SNTG1: variants seen among roughly 807,000 people sequenced by gnomAD.
SNTG1 encodes syntrophin gamma 1, also known as gamma-1-syntrophin.
SNTG1 carries 39 observed loss-of-function variants against 74.7 expected under a neutral mutation model. That is an observed-to-expected ratio of 0.52 (90% CI 0.40 to 0.68). The LOEUF (loss-of-function observed/expected upper bound fraction) is 0.68. Ranked by LOEUF, SNTG1 falls within the 30% of genes least tolerant of loss-of-function variation. The pLI, the probability that SNTG1 is intolerant of heterozygous loss-of-function variation, is 0.00. For missense variants in SNTG1, 685 were observed against 609.5 expected, an observed-to-expected ratio of 1.12 and a Z score of -1.30; for synonymous variants, 254 against 217.1, an observed-to-expected ratio of 1.17 and a Z score of -1.49.
intron 2 of SNTG1, among the ~76,000 whole-genome samples, chr8:50,213,638 G>A (rs1290698806): frequency 1.3e-5 from 2 of 151,868 alleles, no homozygotes; most frequent in African/African-American, 4.8e-5. Context: ...GTGTGAGATG[G>A]TATCTCATTG....
intron 1 of SNTG1, among the ~76,000 whole-genome samples, chr8:50,142,021 T>G (rs1035222008): frequency 1.3e-5 from 2 of 152,158 alleles, no homozygotes; most frequent in African/African-American, 4.8e-5. Flanking sequence ...CAGCTCACAC[T>G]CTATTTTTCT....
At chr8:50,247,659 C>T (rs1193854815) in intron 2 of SNTG1, among the ~76,000 whole-genome samples, 2 of 148,690 alleles carry the variant, frequency 1.3e-5, no homozygotes, top group Non-Finnish European at 3.0e-5. Context: ...GTGCATTCCA[C>T]CAGTCCCAGC....
At chr8:50,001,207 T>G (rs1814707019) in intron 1 of SNTG1, among the ~76,000 whole-genome samples, 1 of 151,878 alleles carries the variant, frequency 6.6e-6, no homozygotes, top group Non-Finnish European at 1.5e-5. Context: ...GAAATGAGGG[T>G]TCGGTCTGTG....
At position 50,792,980 on chromosome 8, in the gene SNTG1, C is replaced by G. The variant is rs1212500155; in HGVS notation, c.*151C>G. The G allele has an allele frequency of 1.4e-6, 1 of 690,940 alleles. No individual in the cohort carries two copies. Among genetic ancestry groups the G allele is most frequent in the African/African-American group, 1.8e-5 (1 of 54,764 alleles). 42.8% of individuals were successfully genotyped at this position (690,940 alleles called of 1,614,324 possible). ...AGAAAAAGAAGGTCATGTGGAACCT[C>G]AAAAACACTTCTATTCTGGATGACA... On this transcript the variant is annotated 3_prime_UTR_variant, in exon 19 of 19. Transcript: ENST00000642720.
chr8:50,078,575 G>A (rs1822112800), intron 1 of SNTG1, among the ~76,000 whole-genome samples: 1 of 151,856 alleles, frequency 6.6e-6, no homozygotes, highest in African/African-American at 2.4e-5. Flanking sequence ...TTTAAGTTCT[G>A]GGATACACCT....
chr8:50,274,905 C>T (rs2088007167), intron 2 of SNTG1, among the ~76,000 whole-genome samples: 1 of 152,166 alleles, frequency 6.6e-6, no homozygotes, highest in African/African-American at 2.4e-5. Context: ...ATAAATTCCA[C>T]TCGGTAGTAC....
intron 15 of SNTG1, among the ~76,000 whole-genome samples, chr8:50,699,662 T>G (rs2095416928): frequency 6.6e-6 from 1 of 152,182 alleles, no homozygotes; most frequent in Non-Finnish European, 1.5e-5. Flanking sequence ...CTATTATTAT[T>G]ATCATTACTA....
At chr8:50,406,005 A>AAATTTTGAAATCAGCT (rs2092870621) in intron 4 of SNTG1, among the ~76,000 whole-genome samples, 1 of 152,130 alleles carries the variant, frequency 6.6e-6, no homozygotes, top group African/African-American at 2.4e-5. Flanking sequence ...GCTTTATAGC[A>AAATTTTGAAATCAGCT]AATTTTGAAA....
intron 2 of SNTG1, among the ~76,000 whole-genome samples, chr8:50,187,386 T>A (rs1041641382): frequency 6.6e-6 from 1 of 152,094 alleles, no homozygotes; most frequent in Non-Finnish European, 1.5e-5. Flanking sequence ...ATCTGGTCTT[T>A]GACAAACCTG....
intron 4 of SNTG1, among the ~76,000 whole-genome samples, chr8:50,406,510 T>G (rs1229803868): frequency 2.0e-5 from 3 of 152,160 alleles, no homozygotes; most frequent in Non-Finnish European, 2.9e-5. Context: ...TCCTTTCAAA[T>G]TTGGATGACT....
intron 2 of SNTG1, among the ~76,000 whole-genome samples, chr8:50,315,169 A>G (rs2090268358): frequency 6.7e-6 from 1 of 149,806 alleles, no homozygotes; most frequent in Admixed American, 6.8e-5. Flanking sequence ...GATAAGGGAT[A>G]GAGCTGCAGT....
intron 8 of SNTG1, among the ~76,000 whole-genome samples, chr8:50,465,660 G>GT (rs1415426495): frequency 1.3e-5 from 2 of 152,144 alleles, no homozygotes; most frequent in Non-Finnish European, 2.9e-5. Flanking sequence ...TGTTTCTGTA[G>GT]TTTTTCCTTT....
At chr8:49,924,519 C>G (rs1039185554) in intron 1 of SNTG1, among the ~76,000 whole-genome samples, 1 of 152,034 alleles carries the variant, frequency 6.6e-6, no homozygotes, top group Non-Finnish European at 1.5e-5. Context: ...TGAGCAGAGC[C>G]GGGCTAACAT....
At chr8:50,642,512 TCAAA>T (rs1307274195) in intron 13 of SNTG1, among the ~76,000 whole-genome samples, 3 of 152,100 alleles carry the variant, frequency 2.0e-5, no homozygotes, top group African/African-American at 7.2e-5. Flanking sequence ...ACTACTCTCT[TCAAA>T]CAATTTTTCA....
intron 8 of SNTG1, among the ~76,000 whole-genome samples, chr8:50,483,611 C>A (rs980336033): frequency 4.6e-5 from 7 of 152,058 alleles, no homozygotes; most frequent in Non-Finnish European, 2.9e-5. Flanking sequence ...TTCAGAATAG[C>A]ATGTTCAAAT....
chr8:50,599,962 T>C (rs1324268934), intron 13 of SNTG1, among the ~76,000 whole-genome samples: 1 of 152,160 alleles, frequency 6.6e-6, no homozygotes, highest in Non-Finnish European at 1.5e-5. Context: ...ACATGGATTT[T>C]ATCATGTTGA....
chr8:50,534,698 T>C (rs1254770161), intron 10 of SNTG1, among the ~76,000 whole-genome samples: 3 of 152,074 alleles, frequency 2.0e-5, no homozygotes, highest in African/African-American at 7.2e-5. Flanking sequence ...GGAGGACCAC[T>C]TGACCCCAGG....
intron 13 of SNTG1, among the ~76,000 whole-genome samples, chr8:50,607,894 G>A (rs1260063011): frequency 1.3e-5 from 2 of 151,570 alleles, no homozygotes; most frequent in Non-Finnish European, 3.0e-5. Context: ...TGAATTTGAT[G>A]TTATACTTTC....
At chr8:50,533,459 A>G (rs2094284984) in intron 10 of SNTG1, among the ~76,000 whole-genome samples, 1 of 152,206 alleles carries the variant, frequency 6.6e-6, no homozygotes, top group African/African-American at 2.4e-5. Flanking sequence ...ATTGTAGGAA[A>G]CAACATTCTT....
Sources: allele counts gnomAD v4.1 joint callset (sites outside exome capture counted in the v4.1 genomes callset), GRCh38; gene constraint gnomAD v4.1.1; transcripts MANE v1.5; gene names NCBI Gene and HGNC (gene_info 2026-07-23, HGNC 2026-07-21).